WDR35: variants seen among roughly 807,000 people sequenced by gnomAD.
WDR35 encodes WD repeat-containing protein 35.
Under a neutral mutation model 158.3 loss-of-function variants are expected in WDR35, and 118 were observed. The ratio of observed to expected loss-of-function variants is 0.75; its 90% CI spans 0.64 to 0.87. WDR35 has a LOEUF of 0.87. Ranked by LOEUF, WDR35 falls within the 40% of genes least tolerant of loss-of-function variation. The probability of loss-of-function intolerance (pLI) is 0.00; values close to 1 mark genes in which losing one functional copy is unlikely to be tolerated. For synonymous variants in WDR35, 448 were observed against 476.1 expected (o/e 0.94, Z 0.77); for missense variants, 1,263 against 1,405.8 (o/e 0.90, Z 1.62).
chr2:19,931,748 C>T (rs900042065), intron 23 of WDR35, among the ~76,000 whole-genome samples: 1 of 152,006 alleles, frequency 6.6e-6, no homozygotes, highest in South Asian at 2.1e-4. Flanking sequence ...AAATAATGTT[C>T]CAAGTACACA....
At position 19,951,486 on chromosome 2, in the gene WDR35, T is replaced by C; in HGVS notation, c.1401-2A>G. On this transcript the variant is annotated splice_acceptor_variant, in intron 12 of 26. Coordinates refer to ENST00000281405, the MANE Select transcript of WDR35 (RefSeq NM_020779.4). LOFTEE classifies it high-confidence loss of function. ...GGGGTATCATCAACATGATAAATTC[T>C]GCAAAAAAGATCAGAATTTCAAAGA... The C allele has an allele frequency of 1.2e-6, 2 of 1,609,068 alleles. No individual in the cohort carries two copies. The highest frequency in any genetic ancestry group is 1.7e-6 in the Non-Finnish European group (2 of 1,176,874).
chr2:19,940,672 C>T (rs1199811327), intron 17 of WDR35, among the ~76,000 whole-genome samples: 2 of 152,126 alleles, frequency 1.3e-5, no homozygotes, highest in Non-Finnish European at 2.9e-5. Flanking sequence ...TGAGAAAGCC[C>T]AGATGCTTCT....
At chr2:19,955,095 G>A (rs1159879938) in intron 11 of WDR35, among the ~76,000 whole-genome samples, 3 of 152,070 alleles carry the variant, frequency 2.0e-5, no homozygotes, top group African/African-American at 7.2e-5. Flanking sequence ...TGAAACTACA[G>A]GCACGCACCA....
At chr2:19,948,392 G>C (rs900777426) in intron 13 of WDR35, among the ~76,000 whole-genome samples, 175 bp from the exon 14 acceptor site, 5 of 152,170 alleles carry the variant, frequency 3.3e-5, no homozygotes, top group African/African-American at 4.8e-5. Context: ...GAGATACTCA[G>C]ATGAAATCTT....
chr2:19,917,852 A>C (rs112042990), intron 25 of WDR35, among the ~76,000 whole-genome samples: 2 of 152,352 alleles, frequency 1.3e-5, no homozygotes, highest in African/African-American at 4.8e-5. Context: ...TCCCCAACCT[A>C]GCAAGGCAGG....
At chr2:19,935,293 TC>T in intron 21 of WDR35, 177 bp downstream of exon 21, 1 of 574,670 alleles carries the variant, frequency 1.7e-6, no homozygotes, top group South Asian at 3.2e-5. Context: ...TCCTCCATTT[TC>T]AAGCATTCTA....
At chr2:19,955,329 T>C (rs1485332342) in intron 11 of WDR35, among the ~76,000 whole-genome samples, 1 of 152,214 alleles carries the variant, frequency 6.6e-6, no homozygotes, top group African/African-American at 2.4e-5. Flanking sequence ...TCTAAACAAA[T>C]AATTTTTAAT....
intron 11 of WDR35, among the ~76,000 whole-genome samples, chr2:19,959,246 A>G (rs1199295402): frequency 1.3e-5 from 2 of 150,186 alleles, no homozygotes; most frequent in African/African-American, 2.4e-5. Context: ...TTTATTTTAA[A>G]AAAACAGTCT....
chr2:19,924,290 T>C (rs747876393), intron 25 of WDR35, among the ~76,000 whole-genome samples: 20 of 152,048 alleles, frequency 1.3e-4, no homozygotes, highest in Admixed American at 7.2e-4. Flanking sequence ...GCAGGCCGGG[T>C]GCAGTGGCTC....
In WDR35 at chr2:19,974,614, C is replaced by T. The variant is rs772126464; in HGVS notation, c.590G>A (p.Cys197Tyr). Reference protein sequence around the residue: ...GNFMIKMKLSCLVNVTGAISI... With the variant: ...GNFMIKMKLSYLVNVTGAISI... ...GATAGCTCCAGTGACATTCACCAAACAACTCAGTTTCATTTTTATCTAAAT... is the reference window on the plus strand; with the variant it reads ...GATAGCTCCAGTGACATTCACCAAATAACTCAGTTTCATTTTTATCTAAAT... Residue 197 changes from cysteine to tyrosine, a missense_variant, in exon 7 of 27, where the codon TGT becomes TAT. Coordinates refer to ENST00000281405, the MANE Select transcript of WDR35 (RefSeq NM_020779.4). The T allele has an allele frequency of 9.9e-6, 16 of 1,613,556 alleles. No individual in the cohort carries two copies. The highest frequency in any genetic ancestry group is 1.1e-5 in the Non-Finnish European group (13 of 1,179,790).
At chr2:19,986,828 G>T (rs1672580493) in intron 2 of WDR35, among the ~76,000 whole-genome samples, 3 of 152,298 alleles carry the variant, frequency 2.0e-5, no homozygotes, top group East Asian at 3.9e-4. Context: ...GCAATGTGGT[G>T]CAAACTTTCT....
At chr2:19,958,403 G>C (rs1180120917) in intron 11 of WDR35, among the ~76,000 whole-genome samples, 1 of 152,074 alleles carries the variant, frequency 6.6e-6, no homozygotes, top group Non-Finnish European at 1.5e-5. Context: ...CTGGCACCTA[G>C]AGCAATACCT....
chr2:19,969,300 G>A (rs1671959136), intron 9 of WDR35, among the ~76,000 whole-genome samples, 180 bp downstream of exon 9: 1 of 152,144 alleles, frequency 6.6e-6, no homozygotes, highest in Admixed American at 6.5e-5. Flanking sequence ...AAGACTCATG[G>A]AGTAATTTTA....
intron 2 of WDR35, among the ~76,000 whole-genome samples, chr2:19,985,296 C>T (rs375975125): frequency 6.8e-6 from 1 of 148,068 alleles, no homozygotes; most frequent in Non-Finnish European, 1.5e-5. Context: ...CAAACCCTAC[C>T]ACAAGCAGCT....
intron 10 of WDR35, among the ~76,000 whole-genome samples, chr2:19,961,466 C>T (rs1671655489): frequency 1.3e-5 from 2 of 152,102 alleles, no homozygotes; most frequent in South Asian, 2.1e-4. Flanking sequence ...GTGCCAAATC[C>T]GTTGCACCCA....
Position 19,938,403 on chromosome 2 carries a change from T to C in WDR35, c.1927-2A>G. On this transcript the variant is annotated splice_acceptor_variant, in intron 17 of 26. Transcript: ENST00000281405. LOFTEE classifies it high-confidence loss of function. Reference sequence around the variant, plus strand: ...ATCCTTGTTTGGATGTTCTGGATCCTAAAAGTAAAGATGAAAACAAAAAAA... The same window carrying C: ...ATCCTTGTTTGGATGTTCTGGATCCCAAAAGTAAAGATGAAAACAAAAAAA... 6.2e-7 allele frequency: 1 copy of C among 1,613,638 alleles called. No homozygotes were observed.
At chr2:19,966,610 A>C (rs929917604) in intron 10 of WDR35, 114 bp downstream of exon 10, 20 of 1,254,394 alleles carry the variant, frequency 1.6e-5, no homozygotes, top group Non-Finnish European at 2.2e-5. Context: ...AATAGTGCCA[A>C]CAGACCCAAT....
At position 19,982,549 on chromosome 2, in the gene WDR35, A is replaced by G. The variant is rs1183704787; in HGVS notation, c.143-15T>C. 2 of 1,612,640 alleles carry G rather than the reference A, an allele frequency of 1.2e-6. No individual in the cohort carries two copies. Among genetic ancestry groups the G allele is most frequent in the Non-Finnish European group, 8.5e-7 (1 of 1,179,204 alleles). On this transcript the variant is annotated splice_polypyrimidine_tract_variant and intron_variant, in intron 2 of 26. Transcript: ENST00000281405. ...TTTTGCATCATCTAAAACAAAACAA[A>G]ACAAACTACTATGATAAATATGTAA...
chr2:19,913,450 G>T lies in WDR35; in HGVS notation c.*108C>A. ...CAAAAATTCAACTATAAATAATGAGGCTGATTTTCATACAAAACTCACAGA... is the reference window on the plus strand; with the variant it reads ...CAAAAATTCAACTATAAATAATGAGTCTGATTTTCATACAAAACTCACAGA... On this transcript the variant is annotated 3_prime_UTR_variant, in exon 27 of 27. Transcript: ENST00000281405. 3 of 1,407,162 alleles carry T rather than the reference G, an allele frequency of 2.1e-6. No individual in the cohort carries two copies. The highest frequency in any genetic ancestry group is 2.9e-6 in the Non-Finnish European group (3 of 1,020,680). The allele number at this position is 1,407,162 out of a possible 1,614,324, so 87.2% of individuals were successfully genotyped here. A position where few individuals can be genotyped will look rare whatever the true frequency, so the allele number is the denominator to read the frequency against.
Sources: allele counts gnomAD v4.1 joint callset (sites outside exome capture counted in the v4.1 genomes callset), GRCh38; gene constraint gnomAD v4.1.1; transcripts MANE v1.5; gene names NCBI Gene and HGNC (gene_info 2026-07-23, HGNC 2026-07-21).